The following ZNF189 variants were observed in gnomAD, a reference collection of about 807,000 sequenced individuals.
ZNF189 encodes the protein zinc finger protein 189.
Under a neutral mutation model 53.5 loss-of-function variants are expected in ZNF189, and 33 were observed. That is an observed-to-expected ratio of 0.62 (90% CI 0.47 to 0.82). The LOEUF (loss-of-function observed/expected upper bound fraction) is 0.82. Ranked by LOEUF, ZNF189 falls within the 40% of genes least tolerant of loss-of-function variation. The pLI is 0.00. For synonymous variants in ZNF189, 247 were observed against 238.8 expected, an observed-to-expected ratio of 1.03 and a Z score of -0.32; for missense variants, 711 against 753.9, an observed-to-expected ratio of 0.94 and a Z score of 0.67.
At position 101,399,933 on chromosome 9, in the gene ZNF189, G is replaced by T; in HGVS notation, c.83G>T (p.Trp28Leu). 1 of 1,614,122 alleles carries T rather than the reference G, an allele frequency of 6.2e-7. No homozygotes were observed. Among genetic ancestry groups the T allele is most frequent in the East Asian group, 2.2e-5 (1 of 44,874 alleles). The change falls in exon 2 of 3, where the codon TGG becomes TTG. Residue 28 changes from tryptophan to leucine, a missense_variant. Coordinates refer to ENST00000339664, the MANE Select transcript of ZNF189 (RefSeq NM_003452.4). ...DVAVFFTQEE[W>L]DYLDPAQRSL... ...GCTGTGTTTTTTACCCAGGAGGAGT[G>T]GGATTATCTGGACCCAGCTCAGAGA... is the stretch of plus-strand genomic sequence containing the variant.
At chr9:101,407,759 C>T (rs578225929) in intron 2 of ZNF189, among the ~76,000 whole-genome samples, 170 bp from the exon 3 acceptor site, 3 of 152,238 alleles carry the variant, frequency 2.0e-5, no homozygotes, top group East Asian at 1.9e-4. Context: ...CTTTCTCATC[C>T]TTAATTTTCT....
At chr9:101,404,104 T>C (rs995557712) in intron 2 of ZNF189, among the ~76,000 whole-genome samples, 130 of 152,332 alleles carry the variant, frequency 8.5e-4, no homozygotes, top group African/African-American at 3.1e-3. Context: ...TGGGAAGATA[T>C]TGCATAAGCA....
intron 2 of ZNF189, 147 bp downstream of exon 2, chr9:101,400,157 C>G: frequency 9.0e-7 from 1 of 1,105,326 alleles, no homozygotes; most frequent in Non-Finnish European, 1.3e-6. Context: ...GTTTCCATAA[C>G]TCTCATCCCT....
intron 2 of ZNF189, among the ~76,000 whole-genome samples, 180 bp from the exon 3 acceptor site, chr9:101,407,749 C>G (rs537880759): frequency 1.3e-5 from 2 of 152,238 alleles, no homozygotes; most frequent in South Asian, 4.2e-4. Context: ...TCCAATAATG[C>G]TTTCTCATCC....
At chr9:101,399,373 CTT>C (rs58742366) in intron 1 of ZNF189, 184 bp downstream of exon 1, 89 of 1,059,316 alleles carry the variant, frequency 8.4e-5, no homozygotes, top group Middle Eastern at 3.5e-4. Context: ...CACTGGCTCC[CTT>C]TTTTTTTTTC....
rs1830839214 is a variant in ZNF189 at position 101,409,186 on chromosome 9, A to C, written c.1418A>C (p.Gln473Pro). ...KTFSVSAHLV[Q>P]HQRIHTGEKP... ...TTTAGTGTTAGTGCTCATCTTGTACAACATCAAAGAATCCACACTGGTGAA... is the reference window on the plus strand; with the variant it reads ...TTTAGTGTTAGTGCTCATCTTGTACCACATCAAAGAATCCACACTGGTGAA... Residue 473 changes from glutamine (Q) to proline (P), a missense_variant, in exon 3 of 3, where the codon CAA becomes CCA. Transcript: ENST00000339664. 6.2e-7 allele frequency: 1 copy of C among 1,614,014 alleles called. No homozygotes were observed. The highest frequency in any genetic ancestry group is 8.5e-7 in the Non-Finnish European group (1 of 1,180,022).
At chr9:101,406,775 A>G (rs1460590682) in intron 2 of ZNF189, among the ~76,000 whole-genome samples, 2 of 152,238 alleles carry the variant, frequency 1.3e-5, no homozygotes, top group Non-Finnish European at 2.9e-5. Flanking sequence ...CTATTCCAGC[A>G]AGAGATGGAA....
intron 2 of ZNF189, among the ~76,000 whole-genome samples, chr9:101,406,551 A>G (rs1043695387): frequency 1.3e-5 from 2 of 152,206 alleles, no homozygotes; most frequent in African/African-American, 4.8e-5. Context: ...GAGAGGGGAC[A>G]CTAAAAAGCC....
intron 1 of ZNF189, 79 bp downstream of exon 1, chr9:101,399,268 G>A (rs1830440420): frequency 2.9e-6 from 4 of 1,399,942 alleles, no homozygotes; most frequent in Admixed American, 4.6e-5. Context: ...TCTCCCCCAG[G>A]CCCCCCACCA....
intron 2 of ZNF189, among the ~76,000 whole-genome samples, chr9:101,405,982 T>C (rs1830695389): frequency 6.6e-6 from 1 of 151,572 alleles, no homozygotes; most frequent in African/African-American, 2.4e-5. Flanking sequence ...GGAGAATTGC[T>C]TGAACCCGCG....
At chr9:101,399,660 T>C (rs2777331) in intron 1 of ZNF189, 906,317 of 1,214,388 alleles carry the variant, frequency 0.75, 340,786 homozygotes, top group Non-Finnish European at 0.76. Flanking sequence ...AAAATTAAAC[T>C]CTCAGGGCAT....
chr9:101,409,431 C>G lies in ZNF189; in HGVS notation c.1663C>G (p.Leu555Val), dbSNP rs1830853901. ...AAAGGCCTTTAGCCGGAACTCGGGTCTTATTCAGCATCAGAGAATACACAC... is the reference window on the plus strand; with the variant it reads ...AAAGGCCTTTAGCCGGAACTCGGGTGTTATTCAGCATCAGAGAATACACAC... ...CGKAFSRNSG[L>V]IQHQRIHTGE... The change falls in exon 3 of 3, where the codon CTT (leucine) becomes GTT (valine). Residue 555 changes from leucine to valine, a missense_variant. Coordinates refer to ENST00000339664, the MANE Select transcript of ZNF189 (RefSeq NM_003452.4). 3 of 1,614,138 alleles carry G rather than the reference C, an allele frequency of 1.9e-6. No individual in the cohort carries two copies. Among genetic ancestry groups the G allele is most frequent in the Non-Finnish European group, 1.7e-6 (2 of 1,180,014 alleles).
chr9:101,399,498 C>T, intron 1 of ZNF189: 1 of 1,291,084 alleles, frequency 7.7e-7, no homozygotes, highest in South Asian at 1.9e-5. Flanking sequence ...TCCCTTGTGT[C>T]TTCTGTTCCT....
intron 2 of ZNF189, among the ~76,000 whole-genome samples, chr9:101,404,793 C>A (rs1830650471): frequency 6.6e-6 from 1 of 152,138 alleles, no homozygotes; most frequent in African/African-American, 2.4e-5. Context: ...TCTGAAGAGA[C>A]TGCCTTCTCA....
chr9:101,403,900 T>C (rs1347702524), intron 2 of ZNF189, among the ~76,000 whole-genome samples: 1 of 152,250 alleles, frequency 6.6e-6, no homozygotes, highest in Non-Finnish European at 1.5e-5. Context: ...CTGTCTTATC[T>C]CTTTTTTCTC....
In ZNF189 at chr9:101,407,945, T is replaced by G. The variant is rs952952774; in HGVS notation, c.177T>G (p.Asp59Glu). 3 of 1,570,854 alleles carry G rather than the reference T, an allele frequency of 1.9e-6. No individual in the cohort carries two copies. The highest frequency in any genetic ancestry group is 2.6e-6 in the Non-Finnish European group (3 of 1,163,042). ...TTATTCCAGATGTTTTGAACAGAGA[T>G]AAGGATGAGGAGCCAACTGTAAAAC... ...NLVSLDVLNR[D>E]KDEEPTVKQE... The change falls in exon 3 of 3, where the codon GAT (aspartate) becomes GAG (glutamate). Residue 59 changes from aspartate to glutamate, a missense_variant. Asp to Glu is a conservative substitution (Grantham distance 45, BLOSUM62 2). Coordinates refer to ENST00000339664, the MANE Select transcript of ZNF189 (RefSeq NM_003452.4).
chr9:101,409,299 C>T lies in ZNF189; in HGVS notation c.1531C>T (p.Pro511Ser). The change falls in exon 3 of 3, where the codon CCC becomes TCC. Residue 511 changes from proline (P) to serine (S), a missense_variant. Physicochemically the swap from Pro to Ser is moderately conservative, Grantham distance 74 (BLOSUM62 -1). Coordinates refer to ENST00000339664, the MANE Select transcript of ZNF189 (RefSeq NM_003452.4). ...TCAGAGAATCCACACTGGTGAGAGA[C>T]CCTATCTGTGCAGACAGTGTGGAAA... ...EHQRIHTGER[P>S]YLCRQCGKSF... The T allele has an allele frequency of 6.2e-7, 1 of 1,614,138 alleles. No homozygotes were observed. The highest frequency in any genetic ancestry group is 8.5e-7 in the Non-Finnish European group (1 of 1,180,018).
chr9:101,402,716 G>GTAGA (rs770481497), intron 2 of ZNF189, among the ~76,000 whole-genome samples: 95 of 152,248 alleles, frequency 6.2e-4, no homozygotes, highest in Non-Finnish European at 1.2e-3. Flanking sequence ...TGTGAGGATG[G>GTAGA]TAGATATACC....
rs140191407 is a variant in ZNF189, at chr9:101,408,184, A to T, written c.416A>T (p.Lys139Ile). 2 of 1,614,068 alleles carry T rather than the reference A, an allele frequency of 1.2e-6. No individual in the cohort carries two copies. The highest frequency in any genetic ancestry group is 2.7e-5 in the African/African-American group (2 of 74,946). ...MFRENTNIIR[K>I]RPNSEEKCHK... ...AGAGAAAACACTAACATTATCCGTA[A>T]AAGACCAAACTCAGAAGAGAAATGC... The change falls in exon 3 of 3, where the codon AAA becomes ATA. Residue 139 changes from lysine (K) to isoleucine (I), a missense_variant. By Grantham distance (102) the Lys-to-Ile change is moderately radical. Coordinates refer to ENST00000339664, the MANE Select transcript of ZNF189 (RefSeq NM_003452.4).
Sources: gnomAD v4.1 joint callset for allele counts (sites outside exome capture counted in the v4.1 genomes callset) on GRCh38, gnomAD v4.1.1 for gene constraint, MANE v1.5 for transcripts, NCBI Gene and HGNC (gene_info 2026-07-23, HGNC 2026-07-21) for gene names.